Variants in ASAP2 observed in about 807,000 individuals in gnomAD.
ASAP2 encodes the protein arf-GAP with SH3 domain, ANK repeat and PH domain-containing protein 2.
ASAP2 carries 45 observed loss-of-function variants against 131.4 expected under a neutral mutation model. The observed-to-expected ratio is 0.34, with a 90% CI of 0.27 to 0.44. The LOEUF is 0.44. Ranked by LOEUF, ASAP2 falls within the 20% of genes least tolerant of loss-of-function variation. The pLI is 1.00. For synonymous variants in ASAP2, 510 were observed against 503.0 expected (o/e 1.01, Z -0.19); for missense variants, 1,011 against 1,297.0 (o/e 0.78, Z 3.39).
chr2:9,364,722 G>A (rs763646194), intron 15 of ASAP2, among the ~76,000 whole-genome samples: 1 of 152,196 alleles, frequency 6.6e-6, no homozygotes. Flanking sequence ...ACTTACAACT[G>A]TCTTCTAAGT....
chr2:9,291,149 A>G (rs2148364311), intron 2 of ASAP2, among the ~76,000 whole-genome samples: 1 of 152,298 alleles, frequency 6.6e-6, no homozygotes, highest in East Asian at 1.9e-4. Context: ...CCATTTTCAT[A>G]TTGTTGGAAC....
Position 9,356,166 on chromosome 2 carries a change from C to T in ASAP2, c.1161-13C>T. ...TTGTGGAATTTAACACAGCGTTGCTCTTGTTTTTCTAGATGGATGTCTGTG... is the reference window on the plus strand; with the variant it reads ...TTGTGGAATTTAACACAGCGTTGCTTTTGTTTTTCTAGATGGATGTCTGTG... On this transcript the variant is annotated splice_polypyrimidine_tract_variant and intron_variant, in intron 13 of 27. Transcript: ENST00000281419. The T allele has an allele frequency of 6.2e-7, 1 of 1,614,006 alleles. No individual in the cohort carries two copies. Among genetic ancestry groups the T allele is most frequent in the Non-Finnish European group, 8.5e-7 (1 of 1,179,904 alleles).
intron 1 of ASAP2, among the ~76,000 whole-genome samples, chr2:9,267,307 C>T (rs1394832389): frequency 6.6e-6 from 1 of 152,136 alleles, no homozygotes; most frequent in Non-Finnish European, 1.5e-5. Flanking sequence ...TCTCTCCGCT[C>T]TCTAGTAGTC....
At chr2:9,236,492 A>G (rs1376735213) in intron 1 of ASAP2, among the ~76,000 whole-genome samples, 1 of 152,192 alleles carries the variant, frequency 6.6e-6, no homozygotes, top group East Asian at 1.9e-4. Flanking sequence ...TTTTATGAAG[A>G]TTAATAAAAT....
chr2:9,376,276 C>T (rs1558382146), intron 17 of ASAP2, among the ~76,000 whole-genome samples: 1 of 152,232 alleles, frequency 6.6e-6, no homozygotes. Context: ...AAGCACCTTC[C>T]TTTGCCCTCA....
intron 9 of ASAP2, 24 bp downstream of exon 9, chr2:9,335,203 A>G (rs1671120370): frequency 1.2e-6 from 2 of 1,608,058 alleles, no homozygotes; most frequent in South Asian, 1.1e-5. Context: ...ATTTTGAAAG[A>G]TTGCAGTTTT....
intron 3 of ASAP2, among the ~76,000 whole-genome samples, chr2:9,316,451 A>G (rs1441797151): frequency 1.3e-5 from 2 of 152,238 alleles, no homozygotes; most frequent in Admixed American, 6.5e-5. Flanking sequence ...GAATGAATAC[A>G]TAAGGTCCCA....
chr2:9,382,096 G>A (rs1348595567), intron 20 of ASAP2, among the ~76,000 whole-genome samples: 4 of 146,712 alleles, frequency 2.7e-5, no homozygotes, highest in Admixed American at 7.2e-5. Flanking sequence ...CAATTCTTCT[G>A]CCTCAGCCTC....
At chr2:9,279,540 T>C in intron 2 of ASAP2, 151 bp downstream of exon 2, 2 of 739,388 alleles carry the variant, frequency 2.7e-6, no homozygotes, top group Non-Finnish European at 4.5e-6. Flanking sequence ...GATGTTTCTT[T>C]TTCAGAAGTA....
At chr2:9,400,130 G>A in intron 25 of ASAP2, 58 bp downstream of exon 25, 1 of 1,501,522 alleles carries the variant, frequency 6.7e-7, no homozygotes, top group Non-Finnish European at 9.1e-7. Context: ...GGCAATGTGG[G>A]GGATGTTTCC....
At chr2:9,331,492 G>C (rs533705476) in intron 7 of ASAP2, among the ~76,000 whole-genome samples, 1 of 152,178 alleles carries the variant, frequency 6.6e-6, no homozygotes, top group Non-Finnish European at 1.5e-5. Context: ...GTTTGGCAAG[G>C]CATGGTGGCT....
At chr2:9,233,350 TG>T (rs1663300659) in intron 1 of ASAP2, among the ~76,000 whole-genome samples, 1 of 152,274 alleles carries the variant, frequency 6.6e-6, no homozygotes, top group South Asian at 2.1e-4. Context: ...GTTACCTTGA[TG>T]AGAGGCCTTT....
At chr2:9,287,060 G>A (rs551513443) in intron 2 of ASAP2, among the ~76,000 whole-genome samples, 7 of 152,352 alleles carry the variant, frequency 4.6e-5, no homozygotes, top group African/African-American at 1.7e-4. Flanking sequence ...ACTGAGTAGT[G>A]ATCTGCCAGT....
intron 1 of ASAP2, among the ~76,000 whole-genome samples, chr2:9,257,813 G>A (rs574681194): frequency 9.2e-5 from 14 of 152,194 alleles, no homozygotes; most frequent in African/African-American, 2.4e-4. Flanking sequence ...TGTGAGCCAC[G>A]GTGCCTGGCC....
At chr2:9,323,045 C>T (rs755390881) in intron 5 of ASAP2, 76 bp from the exon 6 acceptor site, 1 of 1,578,312 alleles carries the variant, frequency 6.3e-7, no homozygotes, top group Non-Finnish European at 8.6e-7. Flanking sequence ...AGGCTGGGTA[C>T]TGGGGTGGCT....
intron 22 of ASAP2, 88 bp downstream of exon 22, chr2:9,388,634 G>A (rs1675486335): frequency 4.0e-6 from 6 of 1,516,206 alleles, no homozygotes; most frequent in Non-Finnish European, 5.3e-6. Context: ...CTCCAACTCA[G>A]TGACCTTTGG....
At chr2:9,323,282 C>G in intron 6 of ASAP2, 32 bp downstream of exon 6, 1 of 1,612,510 alleles carries the variant, frequency 6.2e-7, no homozygotes, top group Non-Finnish European at 8.5e-7. Context: ...GTCCTACAGC[C>G]CAGGCTGTGC....
At chr2:9,328,573 C>G (rs1670624121) in intron 7 of ASAP2, among the ~76,000 whole-genome samples, 1 of 152,164 alleles carries the variant, frequency 6.6e-6, no homozygotes, top group Non-Finnish European at 1.5e-5. Flanking sequence ...CTGTGATGAG[C>G]AAAGGAAGAT....
chr2:9,398,847 T>G (rs1676395605), intron 24 of ASAP2: 1 of 152,026 alleles, frequency 6.6e-6, no homozygotes, highest in Admixed American at 6.6e-5. Context: ...CTAAAAAGTT[T>G]ACTATCTGCC....
Sources: allele counts gnomAD v4.1 joint callset (sites outside exome capture counted in the v4.1 genomes callset), GRCh38; gene constraint gnomAD v4.1.1; transcripts MANE v1.5; gene names NCBI Gene and HGNC (gene_info 2026-07-23, HGNC 2026-07-21).